The following CSGALNACT1 variants were observed in gnomAD, a reference collection of about 807,000 sequenced individuals.
CSGALNACT1 encodes the protein beta4GalNAcT-1.
In CSGALNACT1, 52 loss-of-function variants were observed where a neutral mutation model predicts 51.0. The ratio of observed to expected loss-of-function variants is 1.02; its 90% CI spans 0.82 to 1.29. The LOEUF (loss-of-function observed/expected upper bound fraction) is 1.29, where lower values mean the gene tolerates loss of function less well. CSGALNACT1 is among the 50% of genes most tolerant of loss of function. CSGALNACT1 has a pLI of 0.00. For synonymous variants in CSGALNACT1, 341 were observed against 254.4 expected, an observed-to-expected ratio of 1.34 and a Z score of -3.24; for missense variants, 935 against 679.2, an observed-to-expected ratio of 1.38 and a Z score of -4.19.
At chr8:19,426,191 G>T (rs2058751252) in intron 6 of CSGALNACT1, among the ~76,000 whole-genome samples, 1 of 152,186 alleles carries the variant, frequency 6.6e-6, no homozygotes, top group Admixed American at 6.5e-5. Context: ...GCACATTTCA[G>T]ATCTGTCCTG....
At chr8:19,632,630 C>T (rs1472759172) in intron 1 of CSGALNACT1, among the ~76,000 whole-genome samples, 1 of 152,236 alleles carries the variant, frequency 6.6e-6, no homozygotes, top group Non-Finnish European at 1.5e-5. Flanking sequence ...CATATGGCAA[C>T]ATCGAACATA....
At chr8:19,616,562 GC>G (rs1208102697) in intron 1 of CSGALNACT1, among the ~76,000 whole-genome samples, 1 of 152,182 alleles carries the variant, frequency 6.6e-6, no homozygotes, top group Non-Finnish European at 1.5e-5. Context: ...TGGAGGTGGG[GC>G]CTCCTGGAAG....
At chr8:19,740,052 T>C (rs984209527) in intron 1 of CSGALNACT1, among the ~76,000 whole-genome samples, 1 of 152,152 alleles carries the variant, frequency 6.6e-6, no homozygotes, top group South Asian at 2.1e-4. Context: ...ATGTGGATGA[T>C]GCATTTAAGT....
intron 3 of CSGALNACT1, among the ~76,000 whole-genome samples, chr8:19,524,674 T>A (rs2081336500): frequency 6.6e-6 from 1 of 152,178 alleles, no homozygotes; most frequent in Non-Finnish European, 1.5e-5. Context: ...GCTTCAGCTT[T>A]TAATAAACAT....
intron 3 of CSGALNACT1, among the ~76,000 whole-genome samples, chr8:19,564,611 T>A (rs1227170308): frequency 1.3e-5 from 2 of 152,084 alleles, no homozygotes; most frequent in African/African-American, 4.8e-5. Context: ...TATATGCTTA[T>A]GCAACCTGTG....
At chr8:19,447,299 G>C (rs140617627) in intron 5 of CSGALNACT1, among the ~76,000 whole-genome samples, 6 of 152,196 alleles carry the variant, frequency 3.9e-5, no homozygotes, top group Non-Finnish European at 8.8e-5. Context: ...ACAAAGCTGG[G>C]GGACTGGTAT....
At chr8:19,594,710 ATT>A (rs775097029) in intron 2 of CSGALNACT1, among the ~76,000 whole-genome samples, 1 of 144,788 alleles carries the variant, frequency 6.9e-6, no homozygotes, top group African/African-American at 2.5e-5. Context: ...GGCCTGGCTA[ATT>A]TTTTTTTTTT....
At chr8:19,437,711 C>T (rs2060609255) in intron 6 of CSGALNACT1, among the ~76,000 whole-genome samples, 1 of 152,142 alleles carries the variant, frequency 6.6e-6, no homozygotes, top group African/African-American at 2.4e-5. Flanking sequence ...TATATACATA[C>T]ACAATTTAAG....
intron 3 of CSGALNACT1, among the ~76,000 whole-genome samples, chr8:19,509,788 A>G (rs959517904): frequency 1.3e-5 from 2 of 152,210 alleles, no homozygotes; most frequent in African/African-American, 2.4e-5. Flanking sequence ...GTTAAAATTT[A>G]TATGTTCACA....
At chr8:19,510,109 T>C (rs2078185262) in intron 3 of CSGALNACT1, among the ~76,000 whole-genome samples, 1 of 152,184 alleles carries the variant, frequency 6.6e-6, no homozygotes, top group Non-Finnish European at 1.5e-5. Context: ...ACTGCCATTT[T>C]TAAATGTTCA....
chr8:19,650,612 T>A (rs1423749748), intron 1 of CSGALNACT1, among the ~76,000 whole-genome samples: 2 of 152,030 alleles, frequency 1.3e-5, no homozygotes, highest in African/African-American at 2.4e-5. Context: ...GACCATCAGG[T>A]GTGGAGACAG....
chr8:19,594,406 G>A (rs971597129), intron 2 of CSGALNACT1, among the ~76,000 whole-genome samples: 5 of 152,236 alleles, frequency 3.3e-5, no homozygotes, highest in Middle Eastern at 3.4e-3. Flanking sequence ...GTTAAAGTAC[G>A]TGGTATCAAA....
At chr8:19,509,047 A>T (rs2077922460) in intron 3 of CSGALNACT1, among the ~76,000 whole-genome samples, 1 of 152,220 alleles carries the variant, frequency 6.6e-6, no homozygotes, top group Admixed American at 6.5e-5. Context: ...AATAACAAAA[A>T]GTCATAAGAA....
chr8:19,524,383 C>T (rs376328743), intron 3 of CSGALNACT1, among the ~76,000 whole-genome samples: 6 of 152,084 alleles, frequency 3.9e-5, no homozygotes, highest in East Asian at 3.9e-4. Context: ...AATAAAAAGA[C>T]GAAAAAATAG....
At chr8:19,559,178 C>A (rs1205385861) in intron 3 of CSGALNACT1, among the ~76,000 whole-genome samples, 1 of 152,112 alleles carries the variant, frequency 6.6e-6, no homozygotes, top group African/African-American at 2.4e-5. Context: ...AACATGGATA[C>A]AAAGCCCCAC....
At chr8:19,615,892 A>T (rs2052932126) in intron 1 of CSGALNACT1, among the ~76,000 whole-genome samples, 1 of 152,246 alleles carries the variant, frequency 6.6e-6, no homozygotes, top group Non-Finnish European at 1.5e-5. Context: ...CATTAATAAA[A>T]ATTTCATTTG....
At chr8:19,506,018 A>G (rs370848744) in exon 4 of CSGALNACT1, 25 of 725,568 alleles carry the variant, frequency 3.4e-5, no homozygotes, top group Non-Finnish European at 5.6e-5. Context: ...CAGCTTCTCT[A>G]CTTTTAAAGG....
chr8:19,510,167 C>T (rs2078195061), intron 3 of CSGALNACT1, among the ~76,000 whole-genome samples: 1 of 152,052 alleles, frequency 6.6e-6, no homozygotes, highest in South Asian at 2.1e-4. Context: ...TGGCCAAATC[C>T]CCAGGGATGG....
chr8:19,629,485 A>C (rs993442543), intron 1 of CSGALNACT1, among the ~76,000 whole-genome samples: 3 of 152,146 alleles, frequency 2.0e-5, no homozygotes, highest in Admixed American at 6.5e-5. Flanking sequence ...GAGAGGCTCA[A>C]CTCCTGCCTA....
Sources: gnomAD v4.1 joint callset for allele counts (sites outside exome capture counted in the v4.1 genomes callset) on GRCh38, gnomAD v4.1.1 for gene constraint, MANE v1.5 for transcripts, NCBI Gene and HGNC (gene_info 2026-07-23, HGNC 2026-07-21) for gene names.